The following HNF4G variants were observed in gnomAD, a reference collection of about 807,000 sequenced individuals.
HNF4G encodes the protein hepatocyte nuclear factor 4 gamma.
HNF4G carries 21 observed loss-of-function variants against 50.9 expected under a neutral mutation model. The observed-to-expected ratio is 0.41, with a 90% CI of 0.29 to 0.59. The LOEUF (loss-of-function observed/expected upper bound fraction) is 0.59, where lower values mean the gene tolerates loss of function less well. Ranked by LOEUF, HNF4G falls within the 20% of genes least tolerant of loss-of-function variation. The pLI is 0.26. For missense variants in HNF4G, 527 were observed against 559.4 expected (o/e 0.94, Z 0.58); for synonymous variants, 198 against 185.6 (o/e 1.07, Z -0.54).
intron 1 of HNF4G, among the ~76,000 whole-genome samples, chr8:75,438,000 G>C (rs921321711): frequency 1.3e-5 from 2 of 152,146 alleles, no homozygotes. Context: ...GGAGCACTTT[G>C]AATATTCATA....
intron 1 of HNF4G, among the ~76,000 whole-genome samples, chr8:75,439,412 T>G (rs1187747762): frequency 6.6e-6 from 1 of 152,046 alleles, no homozygotes; most frequent in African/African-American, 2.4e-5. Context: ...TCAATGATAA[T>G]TTTTTGCTGA....
At chr8:75,449,661 C>T (rs1398557296) in intron 1 of HNF4G, among the ~76,000 whole-genome samples, 5 of 151,892 alleles carry the variant, frequency 3.3e-5, no homozygotes, top group South Asian at 2.1e-4. Context: ...CTCCCGCCAC[C>T]ACGCCAGGCT....
intron 2 of HNF4G, among the ~76,000 whole-genome samples, chr8:75,509,688 G>A (rs924617622): frequency 3.3e-5 from 5 of 152,064 alleles, no homozygotes; most frequent in Non-Finnish European, 5.9e-5. Context: ...TAAGGATGGT[G>A]GTCCATAGGA....
chr8:75,552,036 T>C (rs1303978906), intron 4 of HNF4G, among the ~76,000 whole-genome samples: 1 of 152,188 alleles, frequency 6.6e-6, no homozygotes, highest in Non-Finnish European at 1.5e-5. Flanking sequence ...ATTAGTTATA[T>C]ACATAAAAAT....
intron 1 of HNF4G, among the ~76,000 whole-genome samples, chr8:75,410,886 T>A (rs1465289714): frequency 6.6e-6 from 1 of 152,208 alleles, no homozygotes; most frequent in Admixed American, 6.5e-5. Context: ...TCTGCAAATA[T>A]GGCTTACTCT....
At chr8:75,507,521 T>C (rs1805625744) in intron 2 of HNF4G, among the ~76,000 whole-genome samples, 1 of 152,192 alleles carries the variant, frequency 6.6e-6, no homozygotes, top group Non-Finnish European at 1.5e-5. Flanking sequence ...GGCCTCCCAG[T>C]GGGCTGGGAT....
chr8:75,500,495 A>T (rs1812899426), intron 2 of HNF4G, among the ~76,000 whole-genome samples: 1 of 152,154 alleles, frequency 6.6e-6, no homozygotes, highest in Non-Finnish European at 1.5e-5. Flanking sequence ...TTACCATATG[A>T]TCTAGCAATT....
intron 1 of HNF4G, among the ~76,000 whole-genome samples, chr8:75,454,035 C>CTG: frequency 6.6e-6 from 1 of 150,802 alleles, no homozygotes; most frequent in South Asian, 2.1e-4. Flanking sequence ...TTCTCTCTCT[C>CTG]TCTCTCTCTC....
At chr8:75,409,332 A>G (rs1810438533) in intron 1 of HNF4G, among the ~76,000 whole-genome samples, 1 of 152,100 alleles carries the variant, frequency 6.6e-6, no homozygotes. Context: ...CTTTTAGTAA[A>G]GTGTGTTTAT....
intron 1 of HNF4G, among the ~76,000 whole-genome samples, chr8:75,412,504 CA>C (rs1037658796): frequency 6.6e-6 from 1 of 152,080 alleles, no homozygotes; most frequent in African/African-American, 2.4e-5. Context: ...TAAAGGATAA[CA>C]AAAAAATTGA....
chr8:75,417,505 A>G (rs1810669777), intron 1 of HNF4G, among the ~76,000 whole-genome samples: 1 of 152,254 alleles, frequency 6.6e-6, no homozygotes, highest in Non-Finnish European at 1.5e-5. Flanking sequence ...AACCAAGGCC[A>G]TTCGTCTCCA....
At chr8:75,496,723 C>T (rs914471757) in intron 2 of HNF4G, among the ~76,000 whole-genome samples, 2 of 151,374 alleles carry the variant, frequency 1.3e-5, no homozygotes, top group Non-Finnish European at 2.9e-5. Flanking sequence ...AAGACTATAA[C>T]CAGACAAGTG....
At chr8:75,518,587 C>A (rs982100736) in intron 2 of HNF4G, among the ~76,000 whole-genome samples, 3 of 152,134 alleles carry the variant, frequency 2.0e-5, no homozygotes, top group African/African-American at 7.2e-5. Flanking sequence ...CCTGCAGGCC[C>A]AATACCACCT....
intron 1 of HNF4G, among the ~76,000 whole-genome samples, chr8:75,488,857 G>A (rs1211633908): frequency 2.6e-5 from 4 of 152,056 alleles, no homozygotes; most frequent in Admixed American, 6.6e-5. Context: ...TTTCATCCTC[G>A]GTTTGGTCAG....
chr8:75,435,256 A>G (rs1475739883), intron 1 of HNF4G, among the ~76,000 whole-genome samples: 1 of 152,244 alleles, frequency 6.6e-6, no homozygotes, highest in East Asian at 1.9e-4. Flanking sequence ...AGCATTAGAA[A>G]TCTACTAATG....
chr8:75,491,634 G>T (rs1306972213), intron 2 of HNF4G, among the ~76,000 whole-genome samples: 3 of 151,888 alleles, frequency 2.0e-5, no homozygotes. Flanking sequence ...TGCCACCACA[G>T]CCAGCTAATT....
At chr8:75,491,360 T>C (rs1812624774) in intron 2 of HNF4G, among the ~76,000 whole-genome samples, 1 of 152,156 alleles carries the variant, frequency 6.6e-6, no homozygotes, top group Admixed American at 6.6e-5. Context: ...GAATAAAAAA[T>C]GTAGTGAGTA....
intron 1 of HNF4G, among the ~76,000 whole-genome samples, chr8:75,465,687 G>C (rs1215155241): frequency 6.6e-6 from 1 of 151,978 alleles, no homozygotes; most frequent in Admixed American, 6.6e-5. Context: ...ACTAATTTAG[G>C]AAGTACAACT....
intron 1 of HNF4G, among the ~76,000 whole-genome samples, chr8:75,419,385 A>G (rs192775142): frequency 6.6e-6 from 1 of 152,348 alleles, no homozygotes; most frequent in Non-Finnish European, 1.5e-5. Flanking sequence ...TACACAAACA[A>G]TAATCCAGAG....
Sources: allele counts gnomAD v4.1 joint callset (sites outside exome capture counted in the v4.1 genomes callset), GRCh38; gene constraint gnomAD v4.1.1; transcripts MANE v1.5; gene names NCBI Gene and HGNC (gene_info 2026-07-23, HGNC 2026-07-21).